Variants in CSMD3 observed in about 807,000 individuals in gnomAD.
The protein encoded by CSMD3 is CUB and Sushi multiple domains 3, also known as CUB and sushi domain-containing protein 3.
Under a neutral mutation model 435.2 loss-of-function variants are expected in CSMD3, and 177 were observed. That is an observed-to-expected ratio of 0.41 (90% CI 0.36 to 0.46). The LOEUF (loss-of-function observed/expected upper bound fraction) is 0.46, where lower values mean the gene tolerates loss of function less well. Among genes scored for constraint, CSMD3 ranks in the 20% least tolerant of loss-of-function variants. CSMD3 has a pLI of 0.34. For missense variants in CSMD3, 4,265 were observed against 4,504.6 expected, an observed-to-expected ratio of 0.95 and a Z score of 1.52; for synonymous variants, 1,656 against 1,520.5, an observed-to-expected ratio of 1.09 and a Z score of -2.07.
chr8:112,567,622 T>G (rs1829163694), intron 24 of CSMD3, among the ~76,000 whole-genome samples: 1 of 152,114 alleles, frequency 6.6e-6, no homozygotes, highest in Admixed American at 6.6e-5. Flanking sequence ...CTCTATAACT[T>G]AGCCTTTAGA....
At chr8:113,104,717 T>C (rs1291226122) in intron 4 of CSMD3, among the ~76,000 whole-genome samples, 1 of 152,074 alleles carries the variant, frequency 6.6e-6, no homozygotes, top group African/African-American at 2.4e-5. Context: ...ATATTTTTAT[T>C]TTTCAGTCAA....
intron 30 of CSMD3, among the ~76,000 whole-genome samples, chr8:112,501,468 G>A (rs1426345242): frequency 6.6e-6 from 1 of 151,452 alleles, no homozygotes; most frequent in East Asian, 1.9e-4. Context: ...TAGTAATAAG[G>A]GAAAAGGCAA....
chr8:112,389,015 G>GA (rs1030837603), intron 36 of CSMD3, among the ~76,000 whole-genome samples: 9 of 152,116 alleles, frequency 5.9e-5, no homozygotes, highest in Middle Eastern at 3.4e-3. Context: ...GATCTAAGGA[G>GA]AAAAAAATAG....
rs367827107 is a variant in CSMD3 at position 113,162,521 on chromosome 8, C to T, written c.709+11201G>A. On this transcript the variant is annotated intron_variant, in intron 4 of 70. Transcript: ENST00000297405. Reference sequence around the variant, plus strand: ...CAGAGGTTGCAGTGAGCTGAGATCACGCCATTGCACTCCAGCCTGGGCAAC... The same window carrying T: ...CAGAGGTTGCAGTGAGCTGAGATCATGCCATTGCACTCCAGCCTGGGCAAC... Among the ~76,000 whole-genome samples, 64 of 149,196 alleles carry T rather than the reference C, an allele frequency of 4.3e-4. 1 individual carries two copies. In the East Asian group the frequency reaches 0.011, roughly 25 times the overall value.
At chr8:112,850,041 T>C (rs548206800) in intron 11 of CSMD3, among the ~76,000 whole-genome samples, 47 of 152,228 alleles carry the variant, frequency 3.1e-4, no homozygotes, top group African/African-American at 8.2e-4. Flanking sequence ...CATGTTAGGG[T>C]TGTTGTAAAA....
intron 10 of CSMD3, among the ~76,000 whole-genome samples, chr8:112,893,120 T>C: frequency 6.6e-6 from 1 of 150,704 alleles, no homozygotes; most frequent in East Asian, 2.0e-4. Context: ...CTACTACAAC[T>C]ACTACTACTA....
intron 5 of CSMD3, among the ~76,000 whole-genome samples, chr8:113,021,100 G>T (rs2086669095): frequency 6.6e-6 from 1 of 152,010 alleles, no homozygotes; most frequent in South Asian, 2.1e-4. Flanking sequence ...TTTATTCTTG[G>T]TTTGCAGTGC....
At chr8:113,403,341 A>G (rs1017848050) in intron 1 of CSMD3, among the ~76,000 whole-genome samples, 1 of 151,380 alleles carries the variant, frequency 6.6e-6, no homozygotes, top group African/African-American at 2.4e-5. Flanking sequence ...AATATTTTAA[A>G]GTAGGTTTTC....
intron 22 of CSMD3, among the ~76,000 whole-genome samples, chr8:112,621,116 C>T (rs1367862530): frequency 6.6e-6 from 1 of 151,956 alleles, no homozygotes; most frequent in African/African-American, 2.4e-5. Flanking sequence ...ATGCCTGTAA[C>T]TCCAGGTACT....
At chr8:112,377,756 T>C (rs750884280) in intron 38 of CSMD3, among the ~76,000 whole-genome samples, 41 of 152,082 alleles carry the variant, frequency 2.7e-4, no homozygotes, top group Non-Finnish European at 5.7e-4. Context: ...CACATAATTG[T>C]ATCAATGAAT....
At chr8:112,768,480 T>C (rs191228865) in intron 13 of CSMD3, among the ~76,000 whole-genome samples, 1 of 152,066 alleles carries the variant, frequency 6.6e-6, no homozygotes, top group Admixed American at 6.6e-5. Context: ...TAAGGACTTC[T>C]TCCAGAATGT....
intron 22 of CSMD3, among the ~76,000 whole-genome samples, chr8:112,629,708 G>A (rs1563787437): frequency 1.3e-5 from 2 of 152,100 alleles, no homozygotes; most frequent in Admixed American, 1.3e-4. Flanking sequence ...AGTGTTTTAC[G>A]CAGGGAATAG....
At chr8:112,884,766 G>T (rs1483495593) in intron 10 of CSMD3, among the ~76,000 whole-genome samples, 2 of 151,622 alleles carry the variant, frequency 1.3e-5, no homozygotes, top group African/African-American at 2.4e-5. Context: ...GGGTAAAAGA[G>T]AAATTATGGG....
intron 53 of CSMD3, among the ~76,000 whole-genome samples, chr8:112,298,198 T>C (rs1482922593): frequency 6.6e-6 from 1 of 151,934 alleles, no homozygotes; most frequent in Non-Finnish European, 1.5e-5. Flanking sequence ...CACCAGAATC[T>C]CTTTGTAGAG....
At chr8:112,961,495 G>A (rs756986845) in intron 7 of CSMD3, among the ~76,000 whole-genome samples, 2 of 151,846 alleles carry the variant, frequency 1.3e-5, no homozygotes, top group South Asian at 2.1e-4. Context: ...AAGCTACAAT[G>A]TCTTAGTGTT....
At chr8:112,454,678 T>G (rs371737510) in intron 32 of CSMD3, among the ~76,000 whole-genome samples, 1 of 152,066 alleles carries the variant, frequency 6.6e-6, no homozygotes, top group Admixed American at 6.6e-5. Flanking sequence ...GAAAACAGTT[T>G]GGAGATTTTC....
chr8:112,719,663 T>A (rs528909158), intron 13 of CSMD3, among the ~76,000 whole-genome samples: 1 of 152,210 alleles, frequency 6.6e-6, no homozygotes, highest in East Asian at 1.9e-4. Flanking sequence ...GGTTAGGGCT[T>A]TAACATATGA....
intron 4 of CSMD3, among the ~76,000 whole-genome samples, chr8:113,130,102 AAGCACAGTAATGT>A (rs1373421317): frequency 2.0e-5 from 3 of 152,190 alleles, no homozygotes; most frequent in African/African-American, 7.2e-5. Flanking sequence ...CTGTCACACT[AAGCACAGTAATGT>A]GCTTAGTACG....
intron 32 of CSMD3, among the ~76,000 whole-genome samples, chr8:112,463,947 C>T (rs770533814): frequency 6.6e-6 from 1 of 152,078 alleles, no homozygotes; most frequent in Non-Finnish European, 1.5e-5. Flanking sequence ...CTATAAAATG[C>T]CTTTGCTGGC....
Sources: allele counts gnomAD v4.1 joint callset (sites outside exome capture counted in the v4.1 genomes callset), GRCh38; gene constraint gnomAD v4.1.1; transcripts MANE v1.5; gene names NCBI Gene and HGNC (gene_info 2026-07-23, HGNC 2026-07-21).